The following ATP2B2 variants were observed in gnomAD, a reference collection of about 807,000 sequenced individuals.
ATP2B2 encodes ATPase plasma membrane Ca2+ transporting 2.
A neutral mutation model predicts 120.0 loss-of-function variants in ATP2B2; 15 were observed. The ratio of observed to expected loss-of-function variants is 0.12; its 90% CI spans 0.08 to 0.19. The LOEUF (loss-of-function observed/expected upper bound fraction) is 0.19, where lower values mean the gene tolerates loss of function less well. Ranked by LOEUF, ATP2B2 falls within the 10% of genes least tolerant of loss-of-function variation. ATP2B2 has a pLI of 1.00. For missense variants in ATP2B2, 1,045 were observed against 1,719.8 expected (o/e 0.61, Z 6.94); for synonymous variants, 694 against 700.3 (o/e 0.99, Z 0.14).
At chr3:10,513,867 T>C (rs2066824664) in intron 3 of ATP2B2, among the ~76,000 whole-genome samples, 1 of 152,090 alleles carries the variant, frequency 6.6e-6, no homozygotes, top group Non-Finnish European at 1.5e-5. Context: ...CTGACCTTAA[T>C]GGTAGCCCTG....
intron 2 of ATP2B2, among the ~76,000 whole-genome samples, chr3:10,426,644 G>A (rs2063154766): frequency 6.6e-6 from 1 of 152,222 alleles, no homozygotes; most frequent in Non-Finnish European, 1.5e-5. Flanking sequence ...AGCCTGGGAT[G>A]TCACTTGAAC....
At chr3:10,592,873 C>G (rs1559475573) in intron 2 of ATP2B2, among the ~76,000 whole-genome samples, 1 of 152,250 alleles carries the variant, frequency 6.6e-6, no homozygotes, top group African/African-American at 2.4e-5. Flanking sequence ...GCCTCGACCT[C>G]CTGGGCTCAA....
chr3:10,429,772 T>C (rs917957351), intron 2 of ATP2B2, among the ~76,000 whole-genome samples: 2 of 152,202 alleles, frequency 1.3e-5, no homozygotes, highest in African/African-American at 4.8e-5. Flanking sequence ...TTATGCCAAA[T>C]GGTTAGCCAA....
chr3:10,485,647 C>T (rs577606194), intron 1 of ATP2B2, among the ~76,000 whole-genome samples: 16 of 152,304 alleles, frequency 1.1e-4, no homozygotes, highest in East Asian at 5.8e-4. Flanking sequence ...GGTGGTGACG[C>T]GGGAGTGGAG....
chr3:10,545,013 CTG>C (rs575413868), intron 2 of ATP2B2, among the ~76,000 whole-genome samples: 1 of 152,156 alleles, frequency 6.6e-6, no homozygotes, highest in South Asian at 2.1e-4. Flanking sequence ...AACCAATAAA[CTG>C]TAATATCGTC....
intron 2 of ATP2B2, among the ~76,000 whole-genome samples, chr3:10,569,398 C>T (rs997965784): frequency 6.6e-5 from 10 of 152,130 alleles, no homozygotes; most frequent in South Asian, 2.1e-4. Flanking sequence ...CTCGGTCCCA[C>T]GGTGAGGAAG....
At chr3:10,613,189 T>C (rs2069288375) in intron 2 of ATP2B2, among the ~76,000 whole-genome samples, 1 of 152,248 alleles carries the variant, frequency 6.6e-6, no homozygotes, top group Admixed American at 6.5e-5. Context: ...TGGGAGGTGA[T>C]GTGCCTTGAT....
At chr3:10,406,785 C>T (rs1434499046) in intron 3 of ATP2B2, among the ~76,000 whole-genome samples, 1 of 152,248 alleles carries the variant, frequency 6.6e-6, no homozygotes, top group African/African-American at 2.4e-5. Context: ...CTAATTCCAC[C>T]CATCAACATT....
At chr3:10,665,033 A>C (rs1379206846) in intron 1 of ATP2B2, among the ~76,000 whole-genome samples, 2 of 152,158 alleles carry the variant, frequency 1.3e-5, no homozygotes, top group African/African-American at 4.8e-5. Flanking sequence ...TCTCCAGCCT[A>C]GGCAACCATG....
At chr3:10,362,145 T>C (rs1233747489) in intron 12 of ATP2B2, among the ~76,000 whole-genome samples, 4 of 152,218 alleles carry the variant, frequency 2.6e-5, no homozygotes, top group Admixed American at 6.5e-5. Context: ...GAAATAGCTA[T>C]GAACACGCCT....
At chr3:10,651,999 G>C (rs898170258) in intron 1 of ATP2B2, among the ~76,000 whole-genome samples, 4 of 152,100 alleles carry the variant, frequency 2.6e-5, no homozygotes, top group African/African-American at 9.7e-5. Flanking sequence ...TTTCTGTTTG[G>C]GGTGATGATG....
intron 1 of ATP2B2, among the ~76,000 whole-genome samples, chr3:10,664,387 C>T (rs1445411214): frequency 6.6e-6 from 1 of 152,120 alleles, no homozygotes; most frequent in African/African-American, 2.4e-5. Flanking sequence ...ACCCCCTCTC[C>T]CACAAATCAA....
At chr3:10,621,553 G>A (rs911455225) in intron 1 of ATP2B2, among the ~76,000 whole-genome samples, 1 of 152,268 alleles carries the variant, frequency 6.6e-6, no homozygotes, top group Non-Finnish European at 1.5e-5. Context: ...GGGAGTGGCA[G>A]TGCCAGTGTT....
chr3:10,506,945 C>A (rs2125427181), upstream of ATP2B2, among the ~76,000 whole-genome samples: 1 of 152,354 alleles, frequency 6.6e-6, no homozygotes, highest in Admixed American at 6.5e-5. Flanking sequence ...CCCGGCCGTG[C>A]AGAGGGGCCA....
At chr3:10,542,916 G>A (rs1176764890) in intron 2 of ATP2B2, among the ~76,000 whole-genome samples, 2 of 152,120 alleles carry the variant, frequency 1.3e-5, no homozygotes, top group African/African-American at 4.8e-5. Context: ...TATTTCTTCA[G>A]GTACTTTTTC....
intron 2 of ATP2B2, among the ~76,000 whole-genome samples, chr3:10,604,556 T>A (rs1279340142): frequency 6.6e-6 from 1 of 152,178 alleles, no homozygotes; most frequent in Non-Finnish European, 1.5e-5. Flanking sequence ...TACCACCACA[T>A]GCCCCACTGT....
chr3:10,381,640 C>T (rs1175295127), intron 8 of ATP2B2, among the ~76,000 whole-genome samples: 5 of 152,302 alleles, frequency 3.3e-5, no homozygotes, highest in South Asian at 2.1e-4. Context: ...AACTGGTGCT[C>T]GCCTGGCCCT....
At chr3:10,593,200 T>C (rs1025016367) in intron 2 of ATP2B2, among the ~76,000 whole-genome samples, 3 of 152,222 alleles carry the variant, frequency 2.0e-5, no homozygotes, top group African/African-American at 4.8e-5. Flanking sequence ...GAAGGTCACC[T>C]GAAAAATAAA....
chr3:10,369,653 T>C (rs930120032), intron 12 of ATP2B2, among the ~76,000 whole-genome samples: 2 of 152,248 alleles, frequency 1.3e-5, no homozygotes, highest in Admixed American at 6.5e-5. Flanking sequence ...TACTGAGTGC[T>C]GTGTGCCGAG....
Sources: allele counts gnomAD v4.1 joint callset (sites outside exome capture counted in the v4.1 genomes callset), GRCh38; gene constraint gnomAD v4.1.1; transcripts MANE v1.5; gene names NCBI Gene and HGNC (gene_info 2026-07-23, HGNC 2026-07-21).